C16orf87: variants seen among roughly 807,000 people sequenced by gnomAD.
C16orf87 encodes the protein UPF0547 protein C16orf87.
A neutral mutation model predicts 21.0 loss-of-function variants in C16orf87; 13 were observed. That is an observed-to-expected ratio of 0.62 (90% CI 0.40 to 0.98). The LOEUF is 0.98. Ranked by LOEUF, C16orf87 falls within the 50% of genes least tolerant of loss-of-function variation. The probability of loss-of-function intolerance (pLI) is 0.00; values close to 1 mark genes in which losing one functional copy is unlikely to be tolerated. For missense variants in C16orf87, 113 were observed against 180.4 expected, an observed-to-expected ratio of 0.63 and a Z score of 2.14; for synonymous variants, 49 against 60.2, an observed-to-expected ratio of 0.81 and a Z score of 0.86.
chr16:46,809,925 A>G, intron 2 of C16orf87, 140 bp from the exon 3 acceptor site: 1 of 545,686 alleles, frequency 1.8e-6, no homozygotes, highest in Non-Finnish European at 3.2e-6. Context: ...ACCATAACAT[A>G]TATGTCTCCC....
chr16:46,804,916 T>A (rs1967882399), intron 3 of C16orf87, among the ~76,000 whole-genome samples: 1 of 152,222 alleles, frequency 6.6e-6, no homozygotes, highest in African/African-American at 2.4e-5. Flanking sequence ...AATTCATTGA[T>A]GCTAGTCATA....
chr16:46,817,318 A>G (rs1230647871), intron 2 of C16orf87, among the ~76,000 whole-genome samples: 1 of 152,220 alleles, frequency 6.6e-6, no homozygotes, highest in East Asian at 1.9e-4. Context: ...GTTTTTCCAG[A>G]AATAAAACAA....
rs2143028622 is a variant in C16orf87, at chr16:46,801,929, TTTAA to T, written c.*1019_*1022del. The T allele has an allele frequency of 6.6e-6, 1 of 152,302 alleles. No homozygotes were observed. The highest frequency in any genetic ancestry group is 6.5e-5 in the Admixed American group (1 of 15,296). The allele number at this position is 152,302 out of a possible 1,614,324, so 9.4% of individuals were successfully genotyped here. A position where few individuals can be genotyped will look rare whatever the true frequency, so the allele number is the denominator to read the frequency against. The stretch of plus-strand genomic sequence containing the variant: ...ATTGATATGCCAAAATGCAAAAGCA[TTTAA>T]TATAAATCAACTATAAACGATTATG... On this transcript the variant is annotated 3_prime_UTR_variant, in exon 4 of 4. Transcript: ENST00000285697.
At chr16:46,826,953 A>G (rs1460958940) in intron 1 of C16orf87, among the ~76,000 whole-genome samples, 2 of 152,204 alleles carry the variant, frequency 1.3e-5, no homozygotes, top group Admixed American at 6.5e-5. Flanking sequence ...TTTGGGTTTC[A>G]GTCTTATACA....
intron 2 of C16orf87, among the ~76,000 whole-genome samples, chr16:46,814,804 T>C (rs1159492651): frequency 6.6e-6 from 1 of 152,160 alleles, no homozygotes; most frequent in East Asian, 1.9e-4. Flanking sequence ...AACATTCTAA[T>C]GCATACCTTG....
chr16:46,829,967 AAGGT>A (rs1959778828), intron 1 of C16orf87, among the ~76,000 whole-genome samples: 1 of 151,248 alleles, frequency 6.6e-6, no homozygotes, highest in Non-Finnish European at 1.5e-5. Flanking sequence ...GGAGGAGAGA[AAGGT>A]AGTCATTTTG....
chr16:46,819,051 G>T (rs956803086), intron 2 of C16orf87, among the ~76,000 whole-genome samples: 6 of 152,118 alleles, frequency 3.9e-5, no homozygotes, highest in African/African-American at 1.4e-4. Context: ...CAAAAAGAGG[G>T]TATTTAAACT....
At position 46,831,087 on chromosome 16, in the gene C16orf87, T is replaced by C; in HGVS notation, c.63A>G (p.Gln21=). ...GCGCCCGGCCCCCGGCACCCACCTG[T>C]TGGTCGCACTCGGGGCATGATTTGG... ...MATKSCPECD[Q]QVPVACKSCP... Residue 21 remains glutamine (Q), a synonymous_variant, in exon 1 of 4, where the codon CAA becomes CAG. Transcript: ENST00000285697. 6.4e-7 allele frequency: 1 copy of C among 1,568,080 alleles called. No individual in the cohort carries two copies. The highest frequency in any genetic ancestry group is 1.4e-5 in the African/African-American group (1 of 70,766).
intron 2 of C16orf87, among the ~76,000 whole-genome samples, chr16:46,813,020 T>A (rs545559391): frequency 1.3e-5 from 2 of 152,214 alleles, no homozygotes; most frequent in South Asian, 4.1e-4. Flanking sequence ...GCTTTCCCAA[T>A]CTAACGTCAA....
chr16:46,808,995 G>C (rs546618323), intron 3 of C16orf87, among the ~76,000 whole-genome samples: 73 of 116,196 alleles, frequency 6.3e-4, no homozygotes, highest in Non-Finnish European at 1.2e-3. Flanking sequence ...AGTCTTAACA[G>C]AACTCAGACA....
intron 2 of C16orf87, among the ~76,000 whole-genome samples, chr16:46,815,374 A>C (rs996527860): frequency 6.6e-5 from 10 of 151,644 alleles, no homozygotes; most frequent in African/African-American, 2.4e-4. Context: ...AAAAGCAATG[A>C]AAGAAAAAAA....
rs1959811645 is a variant in C16orf87, at chr16:46,830,451, T to C, written c.66+633A>G. 3.9e-5 allele frequency among the ~76,000 whole-genome samples: 6 copies of C among 152,230 alleles called. No individual in the cohort carries two copies. The South Asian group carries it at 1.2e-3, about 32-fold the overall frequency. On this transcript the variant is annotated intron_variant, in intron 1 of 3. Coordinates refer to ENST00000285697, the MANE Select transcript of C16orf87 (RefSeq NM_001001436.4). The stretch of plus-strand genomic sequence containing the variant: ...CTTAAACAGGGGCTTTATTCAATCA[T>C]GACCCATTAAAAACGATGTAAAGGC...
intron 1 of C16orf87, 65 bp downstream of exon 1, chr16:46,831,019 C>G (rs754901534): frequency 7.4e-7 from 1 of 1,350,262 alleles, no homozygotes; most frequent in Admixed American, 2.1e-5. Flanking sequence ...GGCGAGGCCC[C>G]CCTCCACAGA....
chr16:46,826,123 C>T (rs551595477), intron 1 of C16orf87, among the ~76,000 whole-genome samples: 1 of 152,248 alleles, frequency 6.6e-6, no homozygotes, highest in Non-Finnish European at 1.5e-5. Flanking sequence ...TTAAGATCTT[C>T]AAGCTTCTGT....
chr16:46,810,987 T>C (rs953072575), intron 2 of C16orf87, among the ~76,000 whole-genome samples: 2 of 152,222 alleles, frequency 1.3e-5, no homozygotes, highest in African/African-American at 2.4e-5. Context: ...AACCAACTCA[T>C]TACTTTGAAA....
rs1016497576 is a variant in C16orf87 at position 46,799,279 on chromosome 16, T to G, written c.*3673A>C. On this transcript the variant is annotated 3_prime_UTR_variant, in exon 4 of 4. Transcript: ENST00000285697. ...GTTAAGGCAGCACAAAAGAATAATT[T>G]AAAAAAATAGTTCCCTAGAAAATAG... 1 of 151,940 alleles carries G rather than the reference T, an allele frequency of 6.6e-6. No individual in the cohort carries two copies. Among genetic ancestry groups the G allele is most frequent in the African/African-American group, 2.4e-5 (1 of 41,376 alleles). 9.4% of individuals were successfully genotyped at this position (151,940 alleles called of 1,614,324 possible). A position where few individuals can be genotyped will look rare whatever the true frequency, so the allele number is the denominator to read the frequency against.
In C16orf87 at chr16:46,823,158, C is replaced by T. The variant is rs755101366; in HGVS notation, c.163+1228G>A. Among the ~76,000 whole-genome samples, 157 of 152,198 alleles carry T rather than the reference C, an allele frequency of 1.0e-3. 2 individuals are homozygous for T. The highest frequency in any genetic ancestry group is 3.4e-3 in the African/African-American group (141 of 41,450). On this transcript the variant is annotated intron_variant, in intron 2 of 3. Transcript: ENST00000285697. The stretch of plus-strand genomic sequence containing the variant: ...ACCTCCTCATAGGGGCCTTCTCTAA[C>T]CACCCAATCAAAAGTAGCCTTCCAG...
chr16:46,824,359 C>A (rs754374416), intron 2 of C16orf87, 27 bp downstream of exon 2: 19 of 1,010,292 alleles, frequency 1.9e-5, no homozygotes, highest in Non-Finnish European at 2.7e-5. Context: ...CATCAAAAAG[C>A]TAAAAATGTA....
intron 1 of C16orf87, among the ~76,000 whole-genome samples, chr16:46,830,194 G>C (rs755775492): frequency 2.0e-5 from 3 of 150,690 alleles, no homozygotes; most frequent in Non-Finnish European, 4.4e-5. Flanking sequence ...ATTACACCAT[G>C]AACTCAATGT....
Sources: gnomAD v4.1 joint callset for allele counts (sites outside exome capture counted in the v4.1 genomes callset) on GRCh38, gnomAD v4.1.1 for gene constraint, MANE v1.5 for transcripts, NCBI Gene and HGNC (gene_info 2026-07-23, HGNC 2026-07-21) for gene names.